The following PLEKHA6 variants were observed in gnomAD, a reference collection of about 807,000 sequenced individuals.
PLEKHA6 encodes the protein pleckstrin homology domain-containing family A member 6.
A neutral mutation model predicts 116.7 loss-of-function variants in PLEKHA6; 60 were observed. The observed-to-expected ratio is 0.51, with a 90% CI of 0.42 to 0.64. The LOEUF is 0.64. Ranked by LOEUF, PLEKHA6 falls within the 30% of genes least tolerant of loss-of-function variation. The probability of loss-of-function intolerance (pLI) is 0.00; values close to 1 mark genes in which losing one functional copy is unlikely to be tolerated. For synonymous variants in PLEKHA6, 489 were observed against 556.1 expected (o/e 0.88, Z 1.70); for missense variants, 1,338 against 1,422.7 (o/e 0.94, Z 0.96).
chr1:204,284,410 T>C (rs1455101146), intron 1 of PLEKHA6, among the ~76,000 whole-genome samples: 1 of 151,990 alleles, frequency 6.6e-6, no homozygotes, highest in Non-Finnish European at 1.5e-5. Flanking sequence ...TGTGGGAAAT[T>C]ATGAACACCT....
At chr1:204,372,980 T>C (rs535197408) in intron 1 of PLEKHA6, among the ~76,000 whole-genome samples, 2 of 151,286 alleles carry the variant, frequency 1.3e-5, no homozygotes, top group African/African-American at 4.9e-5. Context: ...CAATCATAGC[T>C]CATTTGTAGC....
rs1188606036 is a variant in PLEKHA6 at position 204,280,429 on chromosome 1, T to A, written c.-94-5620A>T. 4 of 985,250 alleles carry A rather than the reference T, an allele frequency of 4.1e-6. No homozygotes were observed. The African/African-American group carries it at 7.0e-5, about 17-fold the overall frequency. 61.0% of individuals were successfully genotyped at this position (985,250 alleles called of 1,614,324 possible). On this transcript the variant is annotated intron_variant, in intron 1 of 22. Coordinates refer to ENST00000272203, the MANE Select transcript of PLEKHA6 (RefSeq NM_014935.5). Reference sequence around the variant, plus strand: ...TTGAACGACTGGAGAAATACTCCACTCCTTCCACCCACTGGGCCTCTCTTG... The same window carrying A: ...TTGAACGACTGGAGAAATACTCCACACCTTCCACCCACTGGGCCTCTCTTG...
intron 1 of PLEKHA6, among the ~76,000 whole-genome samples, chr1:204,374,005 C>T (rs1673823208): frequency 6.6e-6 from 1 of 152,102 alleles, no homozygotes; most frequent in South Asian, 2.1e-4. Flanking sequence ...TGAGATTTTT[C>T]AGCCCCTGAC....
chr1:204,285,739 G>T (rs1247950335), intron 1 of PLEKHA6, among the ~76,000 whole-genome samples: 5 of 152,202 alleles, frequency 3.3e-5, no homozygotes, highest in Admixed American at 6.5e-5. Context: ...CAGTTTGAAA[G>T]TATCATTACT....
At chr1:204,291,228 C>T (rs2103028379) in intron 1 of PLEKHA6, among the ~76,000 whole-genome samples, 1 of 152,280 alleles carries the variant, frequency 6.6e-6, no homozygotes, top group African/African-American at 2.4e-5. Flanking sequence ...TGAGCTATCT[C>T]TACCCACACC....
At chr1:204,307,844 C>A in intron 1 of PLEKHA6, 1 of 985,092 alleles carries the variant, frequency 1.0e-6, no homozygotes. Context: ...CAGCCCCAAC[C>A]CCTCCAGCAG....
At chr1:204,305,967 G>A (rs976766634) in intron 1 of PLEKHA6, among the ~76,000 whole-genome samples, 4 of 152,106 alleles carry the variant, frequency 2.6e-5, no homozygotes, top group Non-Finnish European at 5.9e-5. Flanking sequence ...GCAAACGGTG[G>A]TTTTCTCACC....
At chr1:204,332,800 C>T (rs770665951) in intron 1 of PLEKHA6, among the ~76,000 whole-genome samples, 4 of 152,164 alleles carry the variant, frequency 2.6e-5, no homozygotes, top group Non-Finnish European at 4.4e-5. Context: ...TGGCTCTGCC[C>T]CTTGCTGGCT....
At position 204,228,264 on chromosome 1, in the gene PLEKHA6, G is replaced by A. The variant is rs2102409362; in HGVS notation, c.2886-36C>T. ...ACAGACACACAGAAATGGAGGGAGG[G>A]ACAGGATGGTCCAAGTGGCTTGAGG... On this transcript the variant is annotated intron_variant, in intron 20 of 22. Transcript: ENST00000272203. This position sits in a 1 kb window ranked among gnomAD's most constrained non-coding sequence, Gnocchi z 4.0. 2 of 1,558,082 alleles carry A rather than the reference G, an allele frequency of 1.3e-6. No homozygotes were observed. The highest frequency in any genetic ancestry group is 1.7e-4 in the Middle Eastern group (1 of 5,820).
At chr1:204,377,074 T>G (rs1232327840) in intron 1 of PLEKHA6, among the ~76,000 whole-genome samples, 1 of 152,012 alleles carries the variant, frequency 6.6e-6, no homozygotes, top group Admixed American at 6.5e-5. Context: ...CACAGCCCCA[T>G]AAAGAAGCAG....
intron 1 of PLEKHA6, among the ~76,000 whole-genome samples, chr1:204,287,321 T>A (rs1669301847): frequency 1.3e-5 from 2 of 149,876 alleles, no homozygotes; most frequent in Non-Finnish European, 1.5e-5. Context: ...TGCGTCCACC[T>A]CCTCCTCCAA....
chr1:204,249,824 G>A (rs1453362096), intron 10 of PLEKHA6, among the ~76,000 whole-genome samples: 1 of 152,180 alleles, frequency 6.6e-6, no homozygotes, highest in Admixed American at 6.5e-5. Flanking sequence ...AGGGCCAGTG[G>A]TGATGGGGAG....
intron 1 of PLEKHA6, among the ~76,000 whole-genome samples, chr1:204,289,178 A>G (rs369881858): frequency 3.3e-5 from 5 of 152,234 alleles, no homozygotes; most frequent in African/African-American, 1.2e-4. Flanking sequence ...TCACTAGAGC[A>G]TAAGGAACTC....
chr1:204,374,311 T>C (rs1473050191), intron 1 of PLEKHA6, among the ~76,000 whole-genome samples: 1 of 152,178 alleles, frequency 6.6e-6, no homozygotes, highest in African/African-American at 2.4e-5. Flanking sequence ...TAGAATCTTC[T>C]TCAAGGTCCC....
chr1:204,344,599 C>A (rs1476357926), intron 1 of PLEKHA6, among the ~76,000 whole-genome samples: 151 of 121,586 alleles, frequency 1.2e-3, no homozygotes, highest in Middle Eastern at 4.0e-3. Flanking sequence ...GACTCCATCT[C>A]AAAAAAAAAA....
chr1:204,349,398 G>A (rs1037279691), intron 1 of PLEKHA6, among the ~76,000 whole-genome samples: 65 of 152,104 alleles, frequency 4.3e-4, no homozygotes, highest in African/African-American at 1.4e-3. Flanking sequence ...AAATTTAGCT[G>A]GGCATGGTGG....
chr1:204,334,056 G>A (rs1485582840), intron 1 of PLEKHA6, among the ~76,000 whole-genome samples: 1 of 152,184 alleles, frequency 6.6e-6, no homozygotes, highest in Non-Finnish European at 1.5e-5. Context: ...AAGCAGGGGT[G>A]GCAAGGAAGA....
intron 6 of PLEKHA6, among the ~76,000 whole-genome samples, chr1:204,263,459 T>C (rs1666387809): frequency 6.6e-6 from 1 of 152,090 alleles, no homozygotes; most frequent in Admixed American, 6.5e-5. Context: ...CTCCCCTCCC[T>C]TCCCTGGGGA....
chr1:204,249,117 GCCCACAA>G (rs1664188803), intron 11 of PLEKHA6, 60 bp downstream of exon 11: 3 of 1,491,466 alleles, frequency 2.0e-6, no homozygotes, highest in Non-Finnish European at 2.8e-6. Context: ...GGAGACAGCA[GCCCACAA>G]CCTTCTCCAA....
Sources: allele counts gnomAD v4.1 joint callset (sites outside exome capture counted in the v4.1 genomes callset), GRCh38; gene constraint gnomAD v4.1.1; non-coding constraint Gnocchi (gnomAD v3.1); transcripts MANE v1.5; gene names NCBI Gene and HGNC (gene_info 2026-07-23, HGNC 2026-07-21).